Variants in CCDC68 observed in about 807,000 individuals in gnomAD.
The protein encoded by CCDC68 is coiled-coil domain containing 68.
Under a neutral mutation model 47.1 loss-of-function variants are expected in CCDC68, and 45 were observed. The ratio of observed to expected loss-of-function variants is 0.96; its 90% confidence interval spans 0.75 to 1.23. The LOEUF (loss-of-function observed/expected upper bound fraction) is 1.23. CCDC68 is among the 50% of genes most tolerant of loss of function. The probability of loss-of-function intolerance (pLI) is 0.00; values close to 1 mark genes in which losing one functional copy is unlikely to be tolerated. For missense variants in CCDC68, 353 were observed against 373.6 expected (o/e 0.94, Z 0.45); for synonymous variants, 131 against 129.5 (o/e 1.01, Z -0.08).
intron 2 of CCDC68, among the ~76,000 whole-genome samples, chr18:54,945,154 T>C (rs1049404564): frequency 1.0e-3 from 152 of 152,138 alleles, no homozygotes; most frequent in African/African-American, 3.6e-3. Context: ...AAAAAGGACA[T>C]GCGGATAAAG....
intron 8 of CCDC68, among the ~76,000 whole-genome samples, chr18:54,927,009 A>T (rs975810734): frequency 6.6e-6 from 1 of 152,214 alleles, no homozygotes; most frequent in Admixed American, 6.5e-5. Context: ...AATCTTTTTG[A>T]CTTTTCTGTC....
At chr18:54,951,679 T>G (rs149088864) in intron 1 of CCDC68, among the ~76,000 whole-genome samples, 1 of 152,328 alleles carries the variant, frequency 6.6e-6, no homozygotes, top group East Asian at 1.9e-4. Context: ...TTTTCCAAAG[T>G]AGGTCACCAA....
intron 10 of CCDC68, among the ~76,000 whole-genome samples, chr18:54,908,901 G>A (rs990412880): frequency 3.9e-5 from 6 of 151,936 alleles, no homozygotes; most frequent in African/African-American, 1.5e-4. Flanking sequence ...GTAGAGACAG[G>A]GTTTCACCAA....
intron 1 of CCDC68, among the ~76,000 whole-genome samples, chr18:54,956,463 A>G (rs1170759206): frequency 6.6e-6 from 1 of 152,234 alleles, no homozygotes; most frequent in Non-Finnish European, 1.5e-5. Context: ...TTATGCTACC[A>G]TAGAAGCTGC....
chr18:54,919,440 C>T (rs2044015455), intron 8 of CCDC68, 64 bp from the exon 9 acceptor site: 5 of 1,341,022 alleles, frequency 3.7e-6, no homozygotes, highest in South Asian at 1.2e-5. Context: ...ATAGCTCGTC[C>T]TTACTGCTAG....
chr18:54,907,626 T>C (rs1248801539), intron 11 of CCDC68, among the ~76,000 whole-genome samples, 160 bp downstream of exon 11: 2 of 152,204 alleles, frequency 1.3e-5, no homozygotes, highest in African/African-American at 4.8e-5. Flanking sequence ...GATTAAATGA[T>C]GAACAAGATT....
rs1463547169 is a variant in CCDC68 at position 54,927,444 on chromosome 18, A to T, written c.683+1356T>A. Among the ~76,000 whole-genome samples, 3 of 152,104 alleles carry T rather than the reference A, an allele frequency of 2.0e-5. No homozygotes were observed. In the East Asian group the frequency reaches 5.8e-4, roughly 29 times the overall value. On this transcript the variant is annotated intron_variant, in intron 8 of 11. Coordinates refer to ENST00000591504, the MANE Select transcript of CCDC68 (RefSeq NM_025214.3). Reference sequence around the variant, plus strand: ...AATAGCCCTATCACCAATTTTTTTTAAAACACATTTTTTAAAGGAAAAAAA... The same window carrying T: ...AATAGCCCTATCACCAATTTTTTTTTAAACACATTTTTTAAAGGAAAAAAA...
intron 2 of CCDC68, among the ~76,000 whole-genome samples, chr18:54,943,349 T>C (rs968136817): frequency 2.0e-5 from 3 of 152,072 alleles, no homozygotes; most frequent in Non-Finnish European, 4.4e-5. Flanking sequence ...TATTATCTCA[T>C]GAAAAAGCAT....
intron 7 of CCDC68, among the ~76,000 whole-genome samples, chr18:54,930,679 C>CCTCA (rs2044237358): frequency 1.5e-5 from 1 of 68,452 alleles, no homozygotes; most frequent in Non-Finnish European, 2.8e-5. Flanking sequence ...TCCTTCCCTC[C>CCTCA]CTCCCTCCCT....
chr18:54,923,996 G>A (rs2044105363), intron 8 of CCDC68, among the ~76,000 whole-genome samples: 1 of 152,000 alleles, frequency 6.6e-6, no homozygotes, highest in South Asian at 2.1e-4. Flanking sequence ...ACTGCACCTA[G>A]CCCAATCTTA....
intron 8 of CCDC68, among the ~76,000 whole-genome samples, chr18:54,923,717 CTT>C (rs5825107): frequency 1.0e-4 from 15 of 147,798 alleles, no homozygotes; most frequent in Admixed American, 1.4e-4. Flanking sequence ...AGCACTCAGT[CTT>C]TTTTTTTTTT....
At chr18:54,910,941 G>A (rs986348027) in intron 10 of CCDC68, among the ~76,000 whole-genome samples, 5 of 152,238 alleles carry the variant, frequency 3.3e-5, no homozygotes, top group Admixed American at 6.5e-5. Context: ...AAGGCCCCCA[G>A]GAGTGCAGGG....
At chr18:54,934,638 C>G (rs2044313512) in intron 7 of CCDC68, among the ~76,000 whole-genome samples, 182 bp downstream of exon 7, 2 of 152,144 alleles carry the variant, frequency 1.3e-5, no homozygotes, top group African/African-American at 4.8e-5. Context: ...CAGTATAGAT[C>G]ATATGAAATG....
chr18:54,931,143 C>G (rs1238522684), intron 7 of CCDC68, among the ~76,000 whole-genome samples: 1 of 152,150 alleles, frequency 6.6e-6, no homozygotes, highest in Non-Finnish European at 1.5e-5. Context: ...TAGACTTACT[C>G]TTGGTTAATG....
At chr18:54,940,119 C>G (rs936984617) in intron 4 of CCDC68, among the ~76,000 whole-genome samples, 8 of 152,288 alleles carry the variant, frequency 5.3e-5, no homozygotes, top group South Asian at 4.1e-4. Flanking sequence ...TCTCTCCACA[C>G]TCACTCACTT....
intron 1 of CCDC68, among the ~76,000 whole-genome samples, chr18:54,951,334 C>T (rs563416964): frequency 6.6e-6 from 1 of 152,308 alleles, no homozygotes; most frequent in Non-Finnish European, 1.5e-5. Context: ...GTACAAAGCA[C>T]ATGCATCCCT....
At chr18:54,930,193 C>A (rs2044218329) in intron 7 of CCDC68, among the ~76,000 whole-genome samples, 1 of 152,114 alleles carries the variant, frequency 6.6e-6, no homozygotes, top group Non-Finnish European at 1.5e-5. Context: ...TGGCTAGTTT[C>A]TGAAAATATT....
rs538947602 is a variant in CCDC68, at chr18:54,913,891, G to T, written c.873+4022C>A. 1.6e-4 allele frequency among the ~76,000 whole-genome samples: 25 copies of T among 152,218 alleles called. No homozygotes were observed. The South Asian group carries it at 4.8e-3, about 29-fold the overall frequency. ...TATGGCTCAAAGTCACTATATTTAGGTATTTGGATACCTGGTCCAACATGT... is the reference window on the plus strand; with the variant it reads ...TATGGCTCAAAGTCACTATATTTAGTTATTTGGATACCTGGTCCAACATGT... On this transcript the variant is annotated intron_variant, in intron 10 of 11. Coordinates refer to ENST00000591504, the MANE Select transcript of CCDC68 (RefSeq NM_025214.3).
intron 3 of CCDC68, 90 bp from the exon 4 acceptor site, chr18:54,941,173 C>T (rs1237650141): frequency 2.1e-5 from 17 of 791,196 alleles, no homozygotes; most frequent in Non-Finnish European, 3.7e-5. Context: ...ACCTGATTAT[C>T]TAGAAAGTAA....
Sources: allele counts gnomAD v4.1 joint callset (sites outside exome capture counted in the v4.1 genomes callset), GRCh38; gene constraint gnomAD v4.1.1; transcripts MANE v1.5; gene names NCBI Gene and HGNC (gene_info 2026-07-23, HGNC 2026-07-21).